Variants in ANO8 observed in about 807,000 individuals in gnomAD.
The protein encoded by ANO8 is anoctamin 8.
ANO8 carries 67 observed loss-of-function variants against 120.4 expected under a neutral mutation model. The observed-to-expected ratio is 0.56, with a 90% CI of 0.46 to 0.68. The LOEUF (loss-of-function observed/expected upper bound fraction) is 0.68. ANO8 is among the 30% of genes least tolerant of loss of function. The pLI, the probability that ANO8 is intolerant of heterozygous loss-of-function variation, is 0.00. For missense variants in ANO8, 1,526 were observed against 1,737.6 expected (o/e 0.88, Z 2.16); for synonymous variants, 727 against 759.2 (o/e 0.96, Z 0.70).
chr19:17,334,487 T>C (rs983034181), intron 1 of ANO8, 78 bp downstream of exon 1: 2 of 1,272,146 alleles, frequency 1.6e-6, no homozygotes, highest in East Asian at 3.0e-5. Context: ...CGTTTGACCC[T>C]GATCCTCCTC....
In ANO8 at chr19:17,333,895, C is replaced by G. The variant is rs1232940136; in HGVS notation, c.107-95G>C. Reference sequence around the variant, plus strand: ...CTCCTGCCCCCGCCAGGGCTCCTCACCACTCCACCTGGCATTCAAGGCCCC... The same window carrying G: ...CTCCTGCCCCCGCCAGGGCTCCTCAGCACTCCACCTGGCATTCAAGGCCCC... On this transcript the variant is annotated intron_variant, in intron 1 of 17. Coordinates refer to ENST00000159087, the MANE Select transcript of ANO8 (RefSeq NM_020959.3). The surrounding 1 kb of genome is among the most constrained non-coding windows in gnomAD (Gnocchi z 7.2). The G allele has an allele frequency of 2.9e-6, 3 of 1,035,558 alleles. No individual in the cohort carries two copies. The highest frequency in any genetic ancestry group is 4.4e-6 in the Non-Finnish European group (3 of 687,696). The allele number at this position is 1,035,558 out of a possible 1,614,324, so 64.1% of individuals were successfully genotyped here. A position where few individuals can be genotyped will look rare whatever the true frequency, so the allele number is the denominator to read the frequency against.
Position 17,328,243 on chromosome 19 carries a change from C to G in ANO8, c.2145G>C (p.Ser715=), listed in dbSNP as rs201801028. 3 of 1,610,878 alleles carry G rather than the reference C, an allele frequency of 1.9e-6. No homozygotes were observed. Among genetic ancestry groups the G allele is most frequent in the East Asian group, 4.5e-5 (2 of 44,770 alleles). ...CCTCCTCCGGCGGGTCAATCCAAGA[C>G]GACCGGTTCTGCCGTCTCTGCCTAC... ...STRRQRRQNR[S]SWIDPPEEEH... The change falls in exon 13 of 18, where the codon TCG becomes TCC. Residue 715 remains serine, a synonymous_variant. Coordinates refer to ENST00000159087, the MANE Select transcript of ANO8 (RefSeq NM_020959.3).
intron 13 of ANO8, 66 bp from the exon 14 acceptor site, chr19:17,327,946 C>T (rs2074284281): frequency 3.2e-6 from 5 of 1,566,678 alleles, no homozygotes; most frequent in Admixed American, 1.8e-5. Context: ...CCATTGAGCC[C>T]GCCTCCCTCA....
chr19:17,332,831 G>A, intron 5 of ANO8, 99 bp downstream of exon 5: 2 of 1,361,224 alleles, frequency 1.5e-6, no homozygotes, highest in Non-Finnish European at 2.1e-6. Flanking sequence ...ACCCCTGACT[G>A]GTTGGATCTG....
intron 8 of ANO8, 58 bp downstream of exon 8, chr19:17,330,770 C>T (rs1241277012): frequency 2.6e-6 from 4 of 1,557,152 alleles, no homozygotes; most frequent in African/African-American, 1.4e-5. Context: ...TCCTGCAGTG[C>T]CCCCCACCAT....
chr19:17,334,026 C>A (rs1183791090), intron 1 of ANO8, among the ~76,000 whole-genome samples: 1 of 152,200 alleles, frequency 6.6e-6, no homozygotes, highest in Non-Finnish European at 1.5e-5. Flanking sequence ...AAATCTTACT[C>A]ATTCTTGAGG....
Position 17,333,326 on chromosome 19 carries a change from G to C in ANO8, c.351-87C>G. On this transcript the variant is annotated intron_variant, in intron 3 of 17. Transcript: ENST00000159087. The surrounding 1 kb of genome is among the most constrained non-coding windows in gnomAD (Gnocchi z 7.2). Reference sequence around the variant, plus strand: ...AGGATGGTGCACCTGGCAGCCTTTGGGACAAACGCAGGGCGGCTGGATAGC... The same window carrying C: ...AGGATGGTGCACCTGGCAGCCTTTGCGACAAACGCAGGGCGGCTGGATAGC... The C allele has an allele frequency of 6.2e-7, 1 of 1,604,294 alleles. No individual in the cohort carries two copies. The highest frequency in any genetic ancestry group is 1.1e-5 in the South Asian group (1 of 90,650).
chr19:17,334,597 C>T lies in ANO8; in HGVS notation c.74G>A (p.Gly25Asp), dbSNP rs757692579. Residue 25 changes from glycine (G) to aspartate (D), a missense_variant, in exon 1 of 18, where the codon GGC becomes GAC. Physicochemically the swap from Gly to Asp is moderately conservative, Grantham distance 94. Coordinates refer to ENST00000159087, the MANE Select transcript of ANO8 (RefSeq NM_020959.3). ...GERGKRPPPE[G>D]EPAAPASGVL... ...TCCGGACGCCGGGGCTGCAGGCTCGCCCTCCGGCGGGGGCCTCTTGCCACG... is the reference window on the plus strand; with the variant it reads ...TCCGGACGCCGGGGCTGCAGGCTCGTCCTCCGGCGGGGGCCTCTTGCCACG... The T allele has an allele frequency of 7.1e-6, 11 of 1,548,118 alleles. No individual in the cohort carries two copies. Among genetic ancestry groups the T allele is most frequent in the South Asian group, 1.2e-5 (1 of 85,448 alleles).
At chr19:17,323,915 G>C in intron 17 of ANO8, 31 bp from the exon 18 acceptor site, 1 of 1,112,084 alleles carries the variant, frequency 9.0e-7, no homozygotes, top group Non-Finnish European at 1.1e-6. Context: ...GTTCCGGGGG[G>C]ATGCCGCCCC....
At chr19:17,328,133 C>CCCCCTGCGAGGCCCCG in intron 13 of ANO8, 29 bp downstream of exon 13, 1 of 1,507,708 alleles carries the variant, frequency 6.6e-7, no homozygotes, top group Non-Finnish European at 8.9e-7. Context: ...CGAGGCCCCG[C>CCCCCTGCGAGGCCCCG]CCCCTGCGAG....
intron 12 of ANO8, chr19:17,329,345 A>C: frequency 3.0e-6 from 1 of 335,528 alleles, no homozygotes; most frequent in African/African-American, 2.2e-5. Flanking sequence ...TCGGCGCGCC[A>C]GGCCCCCAGC....
intron 16 of ANO8, 110 bp downstream of exon 16, chr19:17,327,125 C>G: frequency 2.1e-6 from 2 of 948,158 alleles, no homozygotes; most frequent in Non-Finnish European, 3.1e-6. Flanking sequence ...TTATACCCAG[C>G]TCTGTGCAGT....
rs745692258 is a variant in ANO8, at chr19:17,324,700, G to A, written c.3331+17C>T. The A allele has an allele frequency of 8.2e-6, 12 of 1,467,326 alleles. No homozygotes were observed. The highest frequency in any genetic ancestry group is 2.5e-5 in the East Asian group (1 of 40,494). The allele number at this position is 1,467,326 out of a possible 1,614,324, so 90.9% of individuals were successfully genotyped here. On this transcript the variant is annotated intron_variant, in intron 17 of 17. Transcript: ENST00000159087. The stretch of plus-strand genomic sequence containing the variant: ...AAGCCGGCCCGGCGTCCCCACCCCC[G>A]AGTTAAAGCTTGTGACCTGAGCCTT...
In ANO8 at chr19:17,328,953, A is replaced by G; in HGVS notation, c.1435T>C (p.Phe479Leu). 1 of 1,507,398 alleles carries G rather than the reference A, an allele frequency of 6.6e-7. No homozygotes were observed. Among genetic ancestry groups the G allele is most frequent in the Non-Finnish European group, 8.9e-7 (1 of 1,129,576 alleles). 93.4% of individuals were successfully genotyped at this position (1,507,398 alleles called of 1,614,324 possible). A position where few individuals can be genotyped will look rare whatever the true frequency, so the allele number is the denominator to read the frequency against. ...AGGACCTCGCGCACGTTCTGGAGGA[A>G]CTGGCGGGTGATCAGCAGCGTGGCC... is the stretch of plus-strand genomic sequence containing the variant. ...MLATLLITRQ[F>L]LQNVREVLQP... The change falls in exon 13 of 18, where the codon TTC (phenylalanine) becomes CTC (leucine). Residue 479 changes from phenylalanine (F) to leucine (L), a missense_variant. Transcript: ENST00000159087.
chr19:17,330,250 T>G lies in ANO8; in HGVS notation c.1148A>C (p.Glu383Ala). 2.5e-6 allele frequency: 4 copies of G among 1,613,828 alleles called. No homozygotes were observed. The highest frequency in any genetic ancestry group is 3.4e-6 in the Non-Finnish European group (4 of 1,179,984). The change falls in exon 10 of 18, where the codon GAG (glutamate) becomes GCG (alanine). Residue 383 changes from glutamate (E) to alanine (A), a missense_variant and splice_region_variant. This residue lies in a region of ANO8 where 91 missense variants were observed against 85.3 expected (regional missense o/e 1.07). Transcript: ENST00000159087. Reference sequence around the variant, plus strand: ...CAACCCCTTCACGCTCAGCACCAGCTCCTGCGGGAGAAGGGGGTTCAGGGC... The same window carrying G: ...CAACCCCTTCACGCTCAGCACCAGCGCCTGCGGGAGAAGGGGGTTCAGGGC... ...LLMLGCFQLQELVLSVKGLPR... is the reference protein window; with the variant it reads ...LLMLGCFQLQALVLSVKGLPR...
rs1446557918 is a variant in ANO8, at chr19:17,329,103, G to A, written c.1405-120C>T. On this transcript the variant is annotated intron_variant, in intron 12 of 17. Coordinates refer to ENST00000159087, the MANE Select transcript of ANO8 (RefSeq NM_020959.3). Reference sequence around the variant, plus strand: ...CCGTGCCCAGACACACGCCGAATCCGGTTCCTAACTCCGCTGCTTTGGACG... The same window carrying A: ...CCGTGCCCAGACACACGCCGAATCCAGTTCCTAACTCCGCTGCTTTGGACG... 9 of 760,944 alleles carry A rather than the reference G, an allele frequency of 1.2e-5. No individual in the cohort carries two copies. In the Admixed American group the frequency reaches 3.2e-4, roughly 27 times the overall value. The allele number at this position is 760,944 out of a possible 1,614,324, so 47.1% of individuals were successfully genotyped here.
At position 17,328,223 on chromosome 19, in the gene ANO8, T is replaced by C; in HGVS notation, c.2165A>G (p.Glu722Gly). 1 of 1,598,436 alleles carries C rather than the reference T, an allele frequency of 6.3e-7. No homozygotes were observed. ...QNRSSWIDPP[E>G]EEHSPQLTQA... ...GGTGAGCTGGGGCGAGTGTTCCTCC[T>C]CCGGCGGGTCAATCCAAGACGACCG... The change falls in exon 13 of 18, where the codon GAG becomes GGG. Residue 722 changes from glutamate (E) to glycine (G), a missense_variant. Glu to Gly is a moderately conservative substitution (Grantham distance 98, BLOSUM62 -2). Around this residue, in one of 8 missense-constraint regions of ANO8, gnomAD observed 467 missense variants for 425.8 expected, o/e 1.10. Transcript: ENST00000159087.
rs1269395167 is a variant in ANO8 at position 17,333,157 on chromosome 19, C to G, written c.433G>C (p.Glu145Gln). 1 of 1,612,262 alleles carries G rather than the reference C, an allele frequency of 6.2e-7. No individual in the cohort carries two copies. The highest frequency in any genetic ancestry group is 2.2e-5 in the East Asian group (1 of 44,794). The change falls in exon 4 of 18, where the codon GAG becomes CAG. Residue 145 changes from glutamate (E) to glutamine (Q), a missense_variant. Around this residue, in one of 8 missense-constraint regions of ANO8, gnomAD observed 322 missense variants for 431.8 expected, o/e 0.75. Transcript: ENST00000159087. The surrounding 1 kb of genome is among the most constrained non-coding windows in gnomAD (Gnocchi z 7.2). ...FGGGTRGFSC[E>Q]EDFIYENVES... is the part of the protein sequence containing the mutation. ...ACATTCTCATAGATAAAGTCCTCCT[C>G]GCAGGAGAAGCCGCGGGTGCCCCCG...
Position 17,334,597 on chromosome 19 carries a change from C to G in ANO8, c.74G>C (p.Gly25Ala), listed in dbSNP as rs757692579. The part of the protein sequence containing the change: ...GERGKRPPPE[G>A]EPAAPASGVL... ...TCCGGACGCCGGGGCTGCAGGCTCGCCCTCCGGCGGGGGCCTCTTGCCACG... is the reference window on the plus strand; with the variant it reads ...TCCGGACGCCGGGGCTGCAGGCTCGGCCTCCGGCGGGGGCCTCTTGCCACG... The change falls in exon 1 of 18, where the codon GGC becomes GCC. Residue 25 changes from glycine to alanine, a missense_variant. Gly to Ala is a moderately conservative substitution (Grantham distance 60). Transcript: ENST00000159087. 1 of 1,548,008 alleles carries G rather than the reference C, an allele frequency of 6.5e-7. No homozygotes were observed. The highest frequency in any genetic ancestry group is 1.4e-5 in the African/African-American group (1 of 70,740).
Sources: gnomAD v4.1 joint callset for allele counts (sites outside exome capture counted in the v4.1 genomes callset) on GRCh38, gnomAD v4.1.1 for gene constraint, gnomAD v4.1.1 regional missense constraint, Gnocchi (gnomAD v3.1) non-coding constraint, MANE v1.5 for transcripts, NCBI Gene and HGNC (gene_info 2026-07-23, HGNC 2026-07-21) for gene names.